GMDS: variants seen among roughly 807,000 people sequenced by gnomAD.
The protein encoded by GMDS is GDP-mannose 4,6 dehydratase.
In GMDS, 20 loss-of-function variants were observed where a neutral mutation model predicts 49.9. That is an observed-to-expected ratio of 0.40 (90% confidence interval 0.28 to 0.58). The LOEUF (loss-of-function observed/expected upper bound fraction) is 0.58, where lower values mean the gene tolerates loss of function less well. Among genes scored for constraint, GMDS ranks in the 20% least tolerant of loss-of-function variants. The probability of loss-of-function intolerance (pLI) is 0.42; values close to 1 mark genes in which losing one functional copy is unlikely to be tolerated. For missense variants in GMDS, 362 were observed against 481.4 expected (o/e 0.75, Z 2.32); for synonymous variants, 177 against 178.6 (o/e 0.99, Z 0.07).
At chr6:1,973,272 C>T (rs1764718737) in intron 4 of GMDS, among the ~76,000 whole-genome samples, 1 of 152,146 alleles carries the variant, frequency 6.6e-6, no homozygotes, top group African/African-American at 2.4e-5. Context: ...GAGATGTACA[C>T]ACAATCAAAA....
At chr6:2,170,558 T>TC (rs1777945863) in intron 1 of GMDS, among the ~76,000 whole-genome samples, 1 of 151,520 alleles carries the variant, frequency 6.6e-6, no homozygotes, top group African/African-American at 2.4e-5. Flanking sequence ...GCCCAGGAGT[T>TC]CAAGGTTGCA....
intron 4 of GMDS, among the ~76,000 whole-genome samples, chr6:2,040,245 C>T (rs1769590710): frequency 6.6e-6 from 1 of 152,214 alleles, no homozygotes; most frequent in Non-Finnish European, 1.5e-5. Flanking sequence ...TCCACAGATG[C>T]ATTTAAAGTA....
intron 9 of GMDS, among the ~76,000 whole-genome samples, chr6:1,681,530 AC>A (rs917305917): frequency 2.0e-5 from 3 of 152,104 alleles, no homozygotes; most frequent in Non-Finnish European, 4.4e-5. Context: ...CAGGCGGTAG[AC>A]CCAGGCGCAC....
At chr6:1,698,621 A>C (rs1306944284) in intron 9 of GMDS, among the ~76,000 whole-genome samples, 1 of 152,056 alleles carries the variant, frequency 6.6e-6, no homozygotes, top group African/African-American at 2.4e-5. Flanking sequence ...CCAAGTCTAC[A>C]GGGTTGGTAT....
At chr6:2,203,203 G>GA (rs1203657076) in intron 1 of GMDS, among the ~76,000 whole-genome samples, 6 of 152,072 alleles carry the variant, frequency 3.9e-5, no homozygotes, top group African/African-American at 1.4e-4. Context: ...GGGGGTTGGG[G>GA]GGTAGTTAAC....
intron 6 of GMDS, chr6:1,951,879 G>A: frequency 3.0e-6 from 3 of 984,894 alleles, no homozygotes; most frequent in Non-Finnish European, 3.6e-6. Context: ...CTTTTACAAA[G>A]ATAAGAGCAG....
intron 7 of GMDS, among the ~76,000 whole-genome samples, chr6:1,889,038 T>G (rs922817405): frequency 1.3e-5 from 2 of 152,250 alleles, no homozygotes; most frequent in African/African-American, 2.4e-5. Flanking sequence ...TATGAACCAC[T>G]GCACCTGGTC....
intron 1 of GMDS, among the ~76,000 whole-genome samples, chr6:2,171,403 T>C (rs1258027283): frequency 6.6e-6 from 1 of 152,118 alleles, no homozygotes; most frequent in Non-Finnish European, 1.5e-5. Context: ...ATTTGGAGCC[T>C]AGGAAGTCCA....
chr6:1,695,920 TTTC>T (rs1219519782), intron 9 of GMDS, among the ~76,000 whole-genome samples: 19 of 138,756 alleles, frequency 1.4e-4, no homozygotes, highest in African/African-American at 4.7e-4. Context: ...TTTTTTTTTT[TTTC>T]TTTTTTTTTT....
intron 1 of GMDS, among the ~76,000 whole-genome samples, chr6:2,183,690 T>A (rs975842690): frequency 2.0e-5 from 3 of 152,178 alleles, no homozygotes; most frequent in Admixed American, 6.5e-5. Flanking sequence ...CACAGAGAAA[T>A]CTTTTGTGAA....
Position 2,245,456 on chromosome 6 carries a change from G to C in GMDS, c.-34C>G. On this transcript the variant is annotated 5_prime_UTR_variant, in exon 1 of 11. Transcript: ENST00000380815. ...GCGGGCGTGCGGTCGGCGGCAGGGC[G>C]GAGCGCGGCAGAGGGCAGGCGCGGT... 1 of 1,318,842 alleles carries C rather than the reference G, an allele frequency of 7.6e-7. No individual in the cohort carries two copies. The highest frequency in any genetic ancestry group is 9.9e-7 in the Non-Finnish European group (1 of 1,012,270). The allele number at this position is 1,318,842 out of a possible 1,614,324, so 81.7% of individuals were successfully genotyped here.
chr6:2,015,438 A>G (rs1334038559), intron 4 of GMDS, among the ~76,000 whole-genome samples: 1 of 152,218 alleles, frequency 6.6e-6, no homozygotes, highest in Non-Finnish European at 1.5e-5. Flanking sequence ...ATCAAGATAA[A>G]TGTTTAAATA....
intron 7 of GMDS, among the ~76,000 whole-genome samples, chr6:1,901,708 C>T (rs1760513299): frequency 6.6e-6 from 1 of 152,090 alleles, no homozygotes; most frequent in African/African-American, 2.4e-5. Context: ...CCAAACTGTC[C>T]CTAACTAGTC....
At position 1,770,240 on chromosome 6, in the gene GMDS, C is replaced by T. The variant is rs945650992; in HGVS notation, c.772-27654G>A. ...CAACACACGAACACATTTTTACCTA[C>T]GACTTGAGGAAATTCACAGACAGTT... On this transcript the variant is annotated intron_variant, in intron 7 of 10. Coordinates refer to ENST00000380815, the MANE Select transcript of GMDS (RefSeq NM_001500.4). Among the ~76,000 whole-genome samples the T allele has an allele frequency of 2.7e-4, 41 of 152,272 alleles. 1 individual carries two copies. Among genetic ancestry groups the T allele is most frequent in the Non-Finnish European group, 8.8e-5 (6 of 68,020 alleles).
chr6:1,630,370 G>A (rs146115222), intron 9 of GMDS, among the ~76,000 whole-genome samples: 10 of 152,316 alleles, frequency 6.6e-5, no homozygotes, highest in East Asian at 5.8e-4. Flanking sequence ...CAGACCAGGC[G>A]GTTGCCCTGG....
At chr6:2,052,107 A>G (rs1314526800) in intron 4 of GMDS, among the ~76,000 whole-genome samples, 1 of 140,910 alleles carries the variant, frequency 7.1e-6, no homozygotes, top group Admixed American at 7.3e-5. Context: ...ACAGAGCAAG[A>G]CTCTGTCTCA....
At chr6:2,214,577 G>C (rs967554629) in intron 1 of GMDS, among the ~76,000 whole-genome samples, 11 of 152,188 alleles carry the variant, frequency 7.2e-5, no homozygotes, top group Non-Finnish European at 8.8e-5. Context: ...TTATTTAAGG[G>C]ACTTGAGCAT....
At chr6:1,668,725 C>CA (rs571270665) in intron 9 of GMDS, among the ~76,000 whole-genome samples, 1,300 of 105,266 alleles carry the variant, frequency 0.012, 24 homozygotes, top group African/African-American at 0.035. Context: ...AACAAACAAA[C>CA]AAAAAAAACC....
At chr6:2,055,849 T>A (rs1359414497) in intron 4 of GMDS, among the ~76,000 whole-genome samples, 1 of 152,132 alleles carries the variant, frequency 6.6e-6, no homozygotes, top group African/African-American at 2.4e-5. Context: ...CCTACTATGA[T>A]TCCTGTTATG....
Sources: allele counts gnomAD v4.1 joint callset (sites outside exome capture counted in the v4.1 genomes callset), GRCh38; gene constraint gnomAD v4.1.1; transcripts MANE v1.5; gene names NCBI Gene and HGNC (gene_info 2026-07-23, HGNC 2026-07-21).